The following MKNK1 variants were observed in gnomAD, a reference collection of about 807,000 sequenced individuals.
MKNK1 encodes the protein MAPK interacting serine/threonine kinase 1, also known as MAP kinase-interacting serine/threonine-protein kinase 1.
Under a neutral mutation model 49.3 loss-of-function variants are expected in MKNK1, and 30 were observed. That is an observed-to-expected ratio of 0.61 (90% CI 0.46 to 0.83). The LOEUF is 0.83. MKNK1 is among the 40% of genes least tolerant of loss of function. The pLI is 0.00. For missense variants in MKNK1, 423 were observed against 524.7 expected (o/e 0.81, Z 1.89); for synonymous variants, 176 against 201.7 (o/e 0.87, Z 1.08).
chr1:46,592,770 G>A (rs774381516), intron 2 of MKNK1, among the ~76,000 whole-genome samples: 11 of 152,162 alleles, frequency 7.2e-5, no homozygotes, highest in Admixed American at 2.0e-4. Flanking sequence ...TTGAAGGAAG[G>A]GACAGTGTTT....
In MKNK1 at chr1:46,589,364, C is replaced by A. The variant is rs1673041342; in HGVS notation, c.-3+4749G>T. Reference sequence around the variant, plus strand: ...GTCCCAGACCAAGGAAGGGCACAGGCTGAGGCCTGGAGGAGGGACACAGGG... The same window carrying A: ...GTCCCAGACCAAGGAAGGGCACAGGATGAGGCCTGGAGGAGGGACACAGGG... On this transcript the variant is annotated intron_variant, in intron 2 of 12. Coordinates refer to ENST00000371945, the MANE Select transcript of MKNK1 (RefSeq NM_001135553.4). The surrounding 1 kb of genome is among the most constrained non-coding windows in gnomAD (Gnocchi z 4.3). Among the ~76,000 whole-genome samples, 2 of 152,144 alleles carry A rather than the reference C, an allele frequency of 1.3e-5. No homozygotes were observed. The highest frequency in any genetic ancestry group is 2.9e-5 in the Non-Finnish European group (2 of 68,016).
chr1:46,593,507 T>C (rs1251203970), intron 2 of MKNK1: 3 of 152,340 alleles, frequency 2.0e-5, no homozygotes, highest in Admixed American at 1.3e-4. Context: ...AGGGGCTTCA[T>C]ATACTTCTGC....
chr1:46,583,243 G>T lies in MKNK1; in HGVS notation c.85C>A (p.Pro29Thr). 1.9e-6 allele frequency: 3 copies of T among 1,613,936 alleles called. No individual in the cohort carries two copies. The highest frequency in any genetic ancestry group is 2.5e-6 in the Non-Finnish European group (3 of 1,179,930). Residue 29 changes from proline (P) to threonine (T), a missense_variant, in exon 3 of 13, where the codon CCA becomes ACA. Transcript: ENST00000371945. ...KRRGRATDSLPGKFEDMYKLT... is the reference protein window; with the variant it reads ...KRRGRATDSLTGKFEDMYKLT... ...TGTGACCAACCTTCAAACTTTCCTG[G>T]CAAGGAGTCAGTGGCCCGGCCCCTC...
At chr1:46,594,039 T>G in intron 2 of MKNK1, 74 bp downstream of exon 2, 1 of 1,214,658 alleles carries the variant, frequency 8.2e-7, no homozygotes, top group Non-Finnish European at 1.2e-6. Context: ...TACCCGCCCT[T>G]TCCTCTGGAT....
In MKNK1 at chr1:46,581,508, C is replaced by CAAA. The variant is rs36099600; in HGVS notation, c.101-884_101-882dup. Among the ~76,000 whole-genome samples the CAAA allele has an allele frequency of 5.3e-4, 22 of 41,656 alleles. No individual in the cohort carries two copies. The South Asian group carries it at 9.4e-3, about 18-fold the overall frequency. 27.3% of individuals were successfully genotyped at this position (41,656 alleles called of 152,430 possible). On this transcript the variant is annotated intron_variant, in intron 3 of 12. Coordinates refer to ENST00000371945, the MANE Select transcript of MKNK1 (RefSeq NM_001135553.4). ...CTGGTGACAGAGTGAGACCCCATATCAAAAAAAAAAAAAAAAAAAAAAAAA... is the reference window on the plus strand; with the variant it reads ...CTGGTGACAGAGTGAGACCCCATATCAAAAAAAAAAAAAAAAAAAAAAAAAAAA...
chr1:46,572,538 A>C (rs998147757), intron 6 of MKNK1, among the ~76,000 whole-genome samples: 1 of 151,996 alleles, frequency 6.6e-6, no homozygotes, highest in Admixed American at 6.5e-5. Flanking sequence ...TTAGAGGCCA[A>C]GTTTTCCCAA....
In MKNK1 at chr1:46,558,510, C is replaced by T. The variant is rs1667349993; in HGVS notation, c.*65G>A. The stretch of plus-strand genomic sequence containing the variant: ...TGCTGCCTGCTCAGCAGACTTTAGC[C>T]ACACAGGTTTCCAGGGGACAATGCC... On this transcript the variant is annotated 3_prime_UTR_variant, in exon 13 of 13. Coordinates refer to ENST00000371945, the MANE Select transcript of MKNK1 (RefSeq NM_001135553.4). 3 of 1,469,180 alleles carry T rather than the reference C, an allele frequency of 2.0e-6. No homozygotes were observed. The Admixed American group carries it at 7.1e-5, about 35-fold the overall frequency. 91.0% of individuals were successfully genotyped at this position (1,469,180 alleles called of 1,614,324 possible). A position where few individuals can be genotyped will look rare whatever the true frequency, so the allele number is the denominator to read the frequency against.
At chr1:46,562,158 G>C (rs947516475) in intron 10 of MKNK1, among the ~76,000 whole-genome samples, 6 of 152,134 alleles carry the variant, frequency 3.9e-5, no homozygotes, top group Non-Finnish European at 8.8e-5. Context: ...CACTTTGGGA[G>C]GCCGAGGCGG....
At chr1:46,586,234 C>T (rs147440238) in intron 2 of MKNK1, 326 of 295,684 alleles carry the variant, frequency 1.1e-3, no homozygotes, top group African/African-American at 6.8e-3. Context: ...CTTGGCTCAC[C>T]TGCTTCCCTT....
intron 9 of MKNK1, chr1:46,563,570 A>T (rs1399260221): frequency 6.6e-6 from 1 of 152,252 alleles, no homozygotes; most frequent in African/African-American, 2.4e-5. Flanking sequence ...AATTTGACTG[A>T]AAGATGGTAA....
rs762902556 is a variant in MKNK1, at chr1:46,594,235, C to T, written c.-125G>A. On this transcript the variant is annotated 5_prime_UTR_variant, in exon 2 of 13. Coordinates refer to ENST00000371945, the MANE Select transcript of MKNK1 (RefSeq NM_001135553.4). ...ACGAAGTGTCTCAATGGCCTTTGTG[C>T]GTAGGTGGCAATCTTCAGTTCTCCA... The T allele has an allele frequency of 4.3e-5, 43 of 990,896 alleles. No individual in the cohort carries two copies. The East Asian group carries it at 7.8e-4, about 18-fold the overall frequency. The allele number at this position is 990,896 out of a possible 1,614,324, so 61.4% of individuals were successfully genotyped here.
intron 9 of MKNK1, 138 bp downstream of exon 9, chr1:46,564,903 A>G (rs1310865307): frequency 7.2e-6 from 6 of 827,880 alleles, no homozygotes; most frequent in Non-Finnish European, 1.2e-5. Flanking sequence ...AACACAGAGC[A>G]GCAAGCAAAA....
At chr1:46,587,204 G>A (rs1316214280) in intron 2 of MKNK1, among the ~76,000 whole-genome samples, 10 of 152,204 alleles carry the variant, frequency 6.6e-5, no homozygotes, top group African/African-American at 2.4e-5. Flanking sequence ...CTTCTTTTCA[G>A]TTTCAGGCAG....
Position 46,558,302 on chromosome 1 carries a change from G to A in MKNK1, c.*273C>T. The A allele has an allele frequency of 2.2e-6, 1 of 449,940 alleles. No homozygotes were observed. The highest frequency in any genetic ancestry group is 3.9e-6 in the Non-Finnish European group (1 of 253,876). 27.9% of individuals were successfully genotyped at this position (449,940 alleles called of 1,614,324 possible). A position where few individuals can be genotyped will look rare whatever the true frequency, so the allele number is the denominator to read the frequency against. ...ATCTGCAGGCGGGTGAGCAGGTGGA[G>A]CCCAGTGAAGAGATGTTCCTGCTGC... On this transcript the variant is annotated 3_prime_UTR_variant, in exon 13 of 13. Transcript: ENST00000371945.
chr1:46,589,516 A>G lies in MKNK1; in HGVS notation c.-3+4597T>C, dbSNP rs1673055534. On this transcript the variant is annotated intron_variant, in intron 2 of 12. Transcript: ENST00000371945. This position sits in a 1 kb window ranked among gnomAD's most constrained non-coding sequence, Gnocchi z 4.3. ...AATAAATGTCTCCATTCCTAGGCAT[A>G]CGTTTATCTTGTTTTCTCCATTAAA... Among the ~76,000 whole-genome samples the G allele has an allele frequency of 6.6e-6, 1 of 152,216 alleles. No individual in the cohort carries two copies. The highest frequency in any genetic ancestry group is 2.4e-5 in the African/African-American group (1 of 41,440).
chr1:46,599,753 T>C (rs750866725), intron 1 of MKNK1, among the ~76,000 whole-genome samples: 1 of 152,216 alleles, frequency 6.6e-6, no homozygotes, highest in Non-Finnish European at 1.5e-5. Context: ...CTATCTAACC[T>C]TGGGGAAGTC....
intron 12 of MKNK1, among the ~76,000 whole-genome samples, chr1:46,559,046 T>A (rs1667458766): frequency 6.6e-6 from 1 of 152,172 alleles, no homozygotes; most frequent in African/African-American, 2.4e-5. Flanking sequence ...CCCCTTCTCC[T>A]CAGAGCACCC....
chr1:46,574,060 C>T (rs1026567888), intron 6 of MKNK1: 1 of 152,202 alleles, frequency 6.6e-6, no homozygotes, highest in Non-Finnish European at 1.5e-5. Context: ...AGACATCCCC[C>T]AGCATACCAA....
intron 8 of MKNK1, among the ~76,000 whole-genome samples, chr1:46,566,745 A>C (rs546876739): frequency 6.6e-6 from 1 of 152,256 alleles, no homozygotes; most frequent in Admixed American, 6.5e-5. Context: ...AAGGATGTTG[A>C]GCATCTTTTC....
Sources: allele counts gnomAD v4.1 joint callset (sites outside exome capture counted in the v4.1 genomes callset), GRCh38; gene constraint gnomAD v4.1.1; non-coding constraint Gnocchi (gnomAD v3.1); transcripts MANE v1.5; gene names NCBI Gene and HGNC (gene_info 2026-07-23, HGNC 2026-07-21).